PTPRD: variants seen among roughly 807,000 people sequenced by gnomAD.
The protein encoded by PTPRD is protein tyrosine phosphatase receptor type D.
Under a neutral mutation model 214.5 loss-of-function variants are expected in PTPRD, and 34 were observed. The ratio of observed to expected loss-of-function variants is 0.16; its 90% CI spans 0.12 to 0.21. The LOEUF (loss-of-function observed/expected upper bound fraction) is 0.21, where lower values mean the gene tolerates loss of function less well. PTPRD is among the 10% of genes least tolerant of loss of function. The pLI is 1.00. For synonymous variants in PTPRD, 1,128 were observed against 845.7 expected (o/e 1.33, Z -5.79); for missense variants, 2,545 against 2,398.7 (o/e 1.06, Z -1.27).
At chr9:10,205,605 C>A (rs1383719771) in intron 3 of PTPRD, among the ~76,000 whole-genome samples, 1 of 151,920 alleles carries the variant, frequency 6.6e-6, no homozygotes. Flanking sequence ...CAGTGTTTCC[C>A]TATGTTGTTC....
intron 11 of PTPRD, among the ~76,000 whole-genome samples, chr9:8,785,994 C>G (rs1184971657): frequency 6.6e-6 from 1 of 151,716 alleles, no homozygotes; most frequent in Non-Finnish European, 1.5e-5. Flanking sequence ...AGATAGATAA[C>G]AAACACCAGA....
chr9:8,867,163 C>G (rs564729474), intron 11 of PTPRD, among the ~76,000 whole-genome samples: 2 of 152,220 alleles, frequency 1.3e-5, no homozygotes, highest in East Asian at 3.9e-4. Flanking sequence ...TAATATCTCT[C>G]CTTCCCTCCC....
chr9:8,642,121 A>C (rs983230778), intron 12 of PTPRD, among the ~76,000 whole-genome samples: 5 of 152,154 alleles, frequency 3.3e-5, no homozygotes, highest in Non-Finnish European at 7.3e-5. Flanking sequence ...CTAAAGGTTA[A>C]GTAGATAACT....
chr9:8,484,032 T>C (rs2135744640), intron 30 of PTPRD, 87 bp downstream of exon 30: 1 of 1,497,178 alleles, frequency 6.7e-7, no homozygotes, highest in African/African-American at 1.4e-5. Flanking sequence ...AGCAGTATCT[T>C]CTTTTACGAC....
chr9:10,201,769 T>C (rs1039907391), intron 3 of PTPRD, among the ~76,000 whole-genome samples: 5 of 152,130 alleles, frequency 3.3e-5, no homozygotes, highest in African/African-American at 1.2e-4. Flanking sequence ...CCCATGAATG[T>C]ATGCGATTAT....
intron 8 of PTPRD, among the ~76,000 whole-genome samples, chr9:9,469,180 G>A (rs1035739826): frequency 6.6e-6 from 1 of 151,998 alleles, no homozygotes; most frequent in Non-Finnish European, 1.5e-5. Flanking sequence ...TTATGTATAA[G>A]TTGAAATGCT....
At chr9:10,547,701 A>T (rs1018368032) in intron 2 of PTPRD, among the ~76,000 whole-genome samples, 9 of 150,092 alleles carry the variant, frequency 6.0e-5, no homozygotes, top group African/African-American at 2.0e-4. Flanking sequence ...CATATATGTT[A>T]TATATATATA....
At chr9:10,027,601 A>G (rs183468572) in intron 4 of PTPRD, among the ~76,000 whole-genome samples, 6 of 152,358 alleles carry the variant, frequency 3.9e-5, no homozygotes, top group Non-Finnish European at 7.3e-5. Context: ...ATTTGTTATA[A>G]CAATATATGG....
At chr9:10,495,459 T>C (rs577307159) in intron 2 of PTPRD, among the ~76,000 whole-genome samples, 5 of 152,006 alleles carry the variant, frequency 3.3e-5, no homozygotes, top group African/African-American at 1.2e-4. Flanking sequence ...TGAATCCTCA[T>C]TCACCTTTTA....
chr9:8,906,175 T>G (rs180700486), intron 11 of PTPRD, among the ~76,000 whole-genome samples: 1 of 152,326 alleles, frequency 6.6e-6, no homozygotes, highest in African/African-American at 2.4e-5. Flanking sequence ...GATGATAATT[T>G]TATCCTTTTG....
chr9:9,991,219 C>A (rs1466944569), intron 4 of PTPRD, among the ~76,000 whole-genome samples: 2 of 152,062 alleles, frequency 1.3e-5, no homozygotes, highest in African/African-American at 4.8e-5. Context: ...CAGGCATGAG[C>A]CACCATGCCC....
rs140692065 is a variant in PTPRD at position 8,636,758 on chromosome 9, G to A, written c.151C>T (p.Pro51Ser). 1 of 1,613,830 alleles carries A rather than the reference G, an allele frequency of 6.2e-7. No homozygotes were observed. Among genetic ancestry groups the A allele is most frequent in the Non-Finnish European group, 8.5e-7 (1 of 1,179,938 alleles). Residue 51 changes from proline to serine, a missense_variant, in exon 13 of 46, where the codon CCA becomes TCA. Transcript: ENST00000381196. ...ASFICQATGD[P>S]RPKIVWNKKG... Reference sequence around the variant, plus strand: ...TTGTTCCAGACAATTTTAGGTCTTGGGTCTCCCGTAGCTTGGCAGATGAAA... The same window carrying A: ...TTGTTCCAGACAATTTTAGGTCTTGAGTCTCCCGTAGCTTGGCAGATGAAA...
intron 11 of PTPRD, among the ~76,000 whole-genome samples, chr9:8,869,301 A>C (rs2098253207): frequency 6.6e-6 from 1 of 152,328 alleles, no homozygotes; most frequent in African/African-American, 2.4e-5. Flanking sequence ...CTATCAATTT[A>C]CAACTAGGAC....
rs182038917 is a variant in PTPRD, at chr9:8,786,250, C to G, written c.-103-52304G>C. ...TAACTATGAGTTTCATTTTGTTAAA[C>G]AGTCAACACTGAAATTGTTTTAATC... On this transcript the variant is annotated intron_variant, in intron 11 of 45. Transcript: ENST00000381196. Among the ~76,000 whole-genome samples, 394 of 152,146 alleles carry G rather than the reference C, an allele frequency of 2.6e-3. 2 individuals carry two copies. The highest frequency in any genetic ancestry group is 9.1e-3 in the African/African-American group (376 of 41,500).
chr9:10,541,952 T>C (rs956014280), intron 2 of PTPRD, among the ~76,000 whole-genome samples: 2 of 152,164 alleles, frequency 1.3e-5, no homozygotes, highest in Non-Finnish European at 2.9e-5. Context: ...TTAATTGGCA[T>C]AATTATTATG....
intron 3 of PTPRD, among the ~76,000 whole-genome samples, chr9:10,119,948 G>A (rs890097690): frequency 2.0e-5 from 3 of 151,904 alleles, no homozygotes; most frequent in Non-Finnish European, 2.9e-5. Context: ...AGTCTTTCAC[G>A]ATGTTTCCTT....
chr9:9,464,370 C>G (rs545154752), intron 8 of PTPRD, among the ~76,000 whole-genome samples: 1 of 152,230 alleles, frequency 6.6e-6, no homozygotes, highest in East Asian at 1.9e-4. Context: ...TTGATTAATT[C>G]TCTTACTACT....
intron 3 of PTPRD, among the ~76,000 whole-genome samples, chr9:10,042,394 C>G (rs2097312300): frequency 1.3e-5 from 2 of 151,884 alleles, no homozygotes; most frequent in South Asian, 4.1e-4. Context: ...CCAACTTACA[C>G]AAAGGTAGCT....
intron 19 of PTPRD, among the ~76,000 whole-genome samples, chr9:8,522,674 G>T (rs867651423): frequency 6.6e-6 from 1 of 152,230 alleles, no homozygotes; most frequent in South Asian, 2.1e-4. Flanking sequence ...CAGATAATCT[G>T]CAGGTTTATG....
Sources: allele counts gnomAD v4.1 joint callset (sites outside exome capture counted in the v4.1 genomes callset), GRCh38; gene constraint gnomAD v4.1.1; transcripts MANE v1.5; gene names NCBI Gene and HGNC (gene_info 2026-07-23, HGNC 2026-07-21).